The following MBD5 variants were observed in gnomAD, a reference collection of about 807,000 sequenced individuals.
MBD5 encodes the protein methyl-CpG-binding domain protein 5.
MBD5 carries 13 observed loss-of-function variants against 117.3 expected under a neutral mutation model. The ratio of observed to expected loss-of-function variants is 0.11; its 90% CI spans 0.07 to 0.18. The LOEUF is 0.18. Among genes scored for constraint, MBD5 ranks in the 10% least tolerant of loss-of-function variants. MBD5 has a pLI of 1.00. For synonymous variants in MBD5, 727 were observed against 766.4 expected, an observed-to-expected ratio of 0.95 and a Z score of 0.85; for missense variants, 1,879 against 2,093.8, an observed-to-expected ratio of 0.90 and a Z score of 2.00.
intron 4 of MBD5, among the ~76,000 whole-genome samples, chr2:148,379,412 A>C (rs1032980623): frequency 3.9e-5 from 6 of 152,062 alleles, no homozygotes; most frequent in African/African-American, 1.4e-4. Context: ...TGCCCACCAA[A>C]ACTTTACTTC....
At chr2:148,082,759 G>A (rs1695676312) in intron 1 of MBD5, among the ~76,000 whole-genome samples, 1 of 152,166 alleles carries the variant, frequency 6.6e-6, no homozygotes, top group Admixed American at 6.5e-5. Flanking sequence ...GAACTCTCCT[G>A]TTTATTTGCA....
At chr2:148,160,519 C>A (rs183936407) in intron 1 of MBD5, among the ~76,000 whole-genome samples, 1 of 152,208 alleles carries the variant, frequency 6.6e-6, no homozygotes, top group Admixed American at 6.5e-5. Flanking sequence ...CTATAAAGAA[C>A]AATCATAGCT....
intron 3 of MBD5, among the ~76,000 whole-genome samples, chr2:148,330,946 A>G (rs948000927): frequency 6.6e-6 from 1 of 152,210 alleles, no homozygotes; most frequent in African/African-American, 2.4e-5. Flanking sequence ...GAGGTTTAAT[A>G]TCTTATCCAA....
chr2:148,295,995 A>G (rs1701637436), intron 3 of MBD5: 4 of 162,732 alleles, frequency 2.5e-5, no homozygotes, highest in Admixed American at 2.0e-4. Flanking sequence ...CACTTCATAG[A>G]GTTTCTGTGT....
intron 1 of MBD5, among the ~76,000 whole-genome samples, chr2:148,095,939 G>A (rs553239772): frequency 6.6e-6 from 1 of 152,054 alleles, no homozygotes; most frequent in Non-Finnish European, 1.5e-5. Context: ...AAAAGTAATT[G>A]AAATGCTATT....
In MBD5 at chr2:148,214,909, C is replaced by CATA. The variant is rs141830731; in HGVS notation, c.-830-18335_-830-18333dup. 8.8e-3 allele frequency among the ~76,000 whole-genome samples: 1,341 copies of CATA among 152,294 alleles called. 11 individuals carry two copies. The highest frequency in any genetic ancestry group is 0.03 in the African/African-American group (1,242 of 41,556). On this transcript the variant is annotated intron_variant, in intron 2 of 13. Coordinates refer to ENST00000642680, the MANE Select transcript of MBD5 (RefSeq NM_001378120.1). ...AGATTATTAAGAAGTTATAATAGCA[C>CATA]ATATGAAATTACTGGTAAGGTAACC...
At chr2:148,257,552 T>C (rs1700619391) in intron 3 of MBD5, among the ~76,000 whole-genome samples, 1 of 152,196 alleles carries the variant, frequency 6.6e-6, no homozygotes, top group Non-Finnish European at 1.5e-5. Context: ...ACCTTAGATT[T>C]GTTGACGGCC....
At chr2:148,435,449 C>A (rs745606346) in intron 4 of MBD5, among the ~76,000 whole-genome samples, 1 of 152,136 alleles carries the variant, frequency 6.6e-6, no homozygotes, top group Non-Finnish European at 1.5e-5. Flanking sequence ...GTAATGAATT[C>A]TCTTAGCATT....
At chr2:148,187,746 A>C (rs1698703292) in intron 2 of MBD5, among the ~76,000 whole-genome samples, 1 of 152,158 alleles carries the variant, frequency 6.6e-6, no homozygotes, top group African/African-American at 2.4e-5. Context: ...CACTGAGAGA[A>C]TTCATTGCTA....
chr2:148,294,573 G>C (rs1473825688), intron 3 of MBD5, among the ~76,000 whole-genome samples: 1 of 143,952 alleles, frequency 6.9e-6, no homozygotes, highest in African/African-American at 2.6e-5. Context: ...TGCGATCTCA[G>C]CTCACTGCAA....
Position 148,233,377 on chromosome 2 carries a change from T to G in MBD5, c.-698T>G, listed in dbSNP as rs1700031946. 1 of 152,192 alleles carries G rather than the reference T, an allele frequency of 6.6e-6. No homozygotes were observed. The highest frequency in any genetic ancestry group is 1.9e-4 in the East Asian group (1 of 5,198). 9.4% of individuals were successfully genotyped at this position (152,192 alleles called of 1,614,324 possible). On this transcript the variant is annotated 5_prime_UTR_variant, in exon 3 of 14. An upstream start codon of the reference 5' UTR is lost. Coordinates refer to ENST00000642680, the MANE Select transcript of MBD5 (RefSeq NM_001378120.1). ...CACCATGGCAGATGGCAACAGAGGA[T>G]GTCAACAATTTTTTGGAGGCAAGCA...
intron 1 of MBD5, among the ~76,000 whole-genome samples, chr2:148,114,998 G>A (rs145466849): frequency 0.015 from 2,284 of 152,066 alleles, 23 homozygotes; most frequent in Non-Finnish European, 0.023. Flanking sequence ...ATATGCATAT[G>A]TATAAAGTAT....
At position 148,468,462 on chromosome 2, in the gene MBD5, A is replaced by G; in HGVS notation, c.519A>G (p.Gly173=). 1 of 1,613,856 alleles carries G rather than the reference A, an allele frequency of 6.2e-7. No homozygotes were observed. Among genetic ancestry groups the G allele is most frequent in the Non-Finnish European group, 8.5e-7 (1 of 1,179,848 alleles). The change falls in exon 8 of 14, where the codon GGA becomes GGG. Residue 173 remains glycine, a synonymous_variant. Transcript: ENST00000642680. Reference sequence around the variant, plus strand: ...AGAATCCTTTCAAGTTAATGATTGGATCATCAAATGCCATGGGAAGGCTAT... The same window carrying G: ...AGAATCCTTTCAAGTTAATGATTGGGTCATCAAATGCCATGGGAAGGCTAT... ...ECKNPFKLMI[G]SSNAMGRLYV... is the part of the protein sequence containing the mutation.
chr2:148,363,941 A>G (rs1489866818), intron 4 of MBD5, among the ~76,000 whole-genome samples: 2 of 152,186 alleles, frequency 1.3e-5, no homozygotes, highest in Non-Finnish European at 2.9e-5. Flanking sequence ...TATTCAGGAG[A>G]ACTTCCCCAA....
intron 1 of MBD5, among the ~76,000 whole-genome samples, chr2:148,092,020 A>G (rs141920701): frequency 1.8e-4 from 27 of 152,350 alleles, no homozygotes; most frequent in Middle Eastern, 3.4e-3. Flanking sequence ...GACATTTCCC[A>G]AAGGAAGACA....
At chr2:148,124,005 CA>C (rs1283703800) in intron 1 of MBD5, among the ~76,000 whole-genome samples, 1 of 152,142 alleles carries the variant, frequency 6.6e-6, no homozygotes, top group Admixed American at 6.5e-5. Flanking sequence ...CACTGCAGGT[CA>C]CTGTGGCTCA....
intron 3 of MBD5, among the ~76,000 whole-genome samples, chr2:148,323,180 A>C (rs1457248812): frequency 6.6e-6 from 1 of 151,868 alleles, no homozygotes; most frequent in African/African-American, 2.4e-5. Flanking sequence ...TGAACTCATC[A>C]TTTTTTATGG....
intron 2 of MBD5, among the ~76,000 whole-genome samples, chr2:148,209,462 G>C (rs575972237): frequency 1.4e-4 from 21 of 151,604 alleles, no homozygotes; most frequent in Non-Finnish European, 3.1e-4. Context: ...GAATCTACCA[G>C]TTCCTTGATC....
At chr2:148,171,698 A>G (rs75496414) in intron 1 of MBD5, among the ~76,000 whole-genome samples, 1,997 of 152,334 alleles carry the variant, frequency 0.013, 29 homozygotes, top group African/African-American at 0.046. Context: ...TGTTGATAAC[A>G]TGATCTTATG....
Sources: allele counts gnomAD v4.1 joint callset (sites outside exome capture counted in the v4.1 genomes callset), GRCh38; gene constraint gnomAD v4.1.1; transcripts MANE v1.5; gene names NCBI Gene and HGNC (gene_info 2026-07-23, HGNC 2026-07-21).